Variants in SRRM4 observed in about 807,000 individuals in gnomAD.
The protein encoded by SRRM4 is serine/arginine repetitive matrix protein 4.
A neutral mutation model predicts 68.9 loss-of-function variants in SRRM4; 33 were observed. The observed-to-expected ratio is 0.48, with a 90% CI of 0.36 to 0.64. The LOEUF (loss-of-function observed/expected upper bound fraction) is 0.64. SRRM4 is among the 30% of genes least tolerant of loss of function. The pLI, the probability that SRRM4 is intolerant of heterozygous loss-of-function variation, is 0.00. For missense variants in SRRM4, 817 were observed against 827.1 expected, an observed-to-expected ratio of 0.99 and a Z score of 0.15; for synonymous variants, 318 against 318.8, an observed-to-expected ratio of 1.00 and a Z score of 0.03.
Position 119,125,496 on chromosome 12 carries a change from G to A in SRRM4, c.614+17G>A. 2.5e-6 allele frequency: 4 copies of A among 1,608,658 alleles called. No individual in the cohort carries two copies. Among genetic ancestry groups the A allele is most frequent in the Non-Finnish European group, 3.4e-6 (4 of 1,175,992 alleles). On this transcript the variant is annotated intron_variant, in intron 7 of 12. Coordinates refer to ENST00000267260, the MANE Select transcript of SRRM4 (RefSeq NM_194286.4). Reference sequence around the variant, plus strand: ...TGAGAGCAGGTAACCCCTTGCCCCAGGATCCTCTTCTGTCAGCCACAGCCG... The same window carrying A: ...TGAGAGCAGGTAACCCCTTGCCCCAAGATCCTCTTCTGTCAGCCACAGCCG...
intron 10 of SRRM4, among the ~76,000 whole-genome samples, chr12:119,152,320 A>C (rs750534313): frequency 2.0e-5 from 3 of 152,228 alleles, no homozygotes; most frequent in Non-Finnish European, 4.4e-5. Flanking sequence ...TGACATAAAT[A>C]GAAGAGCAAA....
chr12:119,012,092 T>C (rs966506705), intron 1 of SRRM4, among the ~76,000 whole-genome samples: 8 of 152,248 alleles, frequency 5.3e-5, no homozygotes, highest in African/African-American at 1.9e-4. Context: ...AGTGTCCTGA[T>C]ATAAATCAAT....
intron 1 of SRRM4, among the ~76,000 whole-genome samples, chr12:119,083,035 T>G (rs1953958403): frequency 6.6e-6 from 1 of 152,116 alleles, no homozygotes; most frequent in African/African-American, 2.4e-5. Flanking sequence ...GTCTGGTGTT[T>G]CCTTCAATTC....
chr12:119,081,940 C>T (rs7959061), intron 1 of SRRM4, among the ~76,000 whole-genome samples: 87,044 of 152,094 alleles, frequency 0.57, 25,902 homozygotes, highest in Middle Eastern at 0.76. Context: ...TATACCTTTA[C>T]TTTAATTGGA....
At chr12:119,027,603 T>A (rs869716) in intron 1 of SRRM4, among the ~76,000 whole-genome samples, 47,152 of 152,074 alleles carry the variant, frequency 0.31, 7,576 homozygotes, top group Non-Finnish European at 0.35. Flanking sequence ...AGAGTTTATG[T>A]TATAACTGAG....
chr12:119,146,470 C>T (rs1450333690), intron 9 of SRRM4, among the ~76,000 whole-genome samples: 2 of 151,972 alleles, frequency 1.3e-5, no homozygotes, highest in African/African-American at 4.8e-5. Context: ...CCTGTAATCC[C>T]AGCTACTCGG....
chr12:119,068,038 A>T (rs1431984918), intron 1 of SRRM4, among the ~76,000 whole-genome samples: 2 of 152,222 alleles, frequency 1.3e-5, no homozygotes, highest in Admixed American at 1.3e-4. Flanking sequence ...ATGCAAGTCC[A>T]CTAGGAATGT....
chr12:119,147,101 C>T lies in SRRM4; in HGVS notation c.1076+1416C>T, dbSNP rs1007462868. 2.6e-5 allele frequency among the ~76,000 whole-genome samples: 4 copies of T among 152,244 alleles called. No individual in the cohort carries two copies. In the South Asian group the frequency reaches 6.2e-4, roughly 24 times the overall value. On this transcript the variant is annotated intron_variant, in intron 9 of 12. Transcript: ENST00000267260. Reference sequence around the variant, plus strand: ...GTGAATGAATACATAAATTATGATACGTCCAGACAATGGAATGCTATTCAG... The same window carrying T: ...GTGAATGAATACATAAATTATGATATGTCCAGACAATGGAATGCTATTCAG...
At chr12:119,129,872 AATGGATGGATGGATGG>A (rs112594447) in intron 7 of SRRM4, among the ~76,000 whole-genome samples, 230 of 136,996 alleles carry the variant, frequency 1.7e-3, no homozygotes, top group African/African-American at 3.4e-3. Flanking sequence ...TAGTTGGACA[AATGGATGGATGGATGG>A]ATGGATGGAT....
At position 119,145,570 on chromosome 12, in the gene SRRM4, G is replaced by A. The variant is rs776131805; in HGVS notation, c.961G>A (p.Glu321Lys). ...SPSGGLSKSR[E>K]LNSGNTSDSG... ...CAGTGGGGGCTTGAGCAAGAGCCGG[G>A]AGCTCAACAGTGGCAACACCTCTGA... Residue 321 changes from glutamate to lysine, a missense_variant, in exon 9 of 13, where the codon GAG becomes AAG. Transcript: ENST00000267260. 3 of 1,602,758 alleles carry A rather than the reference G, an allele frequency of 1.9e-6. No homozygotes were observed. The South Asian group carries it at 3.4e-5, about 18-fold the overall frequency.
chr12:119,064,649 A>G (rs775603009), intron 1 of SRRM4, among the ~76,000 whole-genome samples: 11 of 152,224 alleles, frequency 7.2e-5, no homozygotes, highest in South Asian at 2.1e-4. Context: ...TGAGGCTAAG[A>G]AAAACCTTGC....
At chr12:119,083,895 C>T (rs1229952667) in intron 1 of SRRM4, among the ~76,000 whole-genome samples, 1 of 152,166 alleles carries the variant, frequency 6.6e-6, no homozygotes, top group African/African-American at 2.4e-5. Context: ...TGCAGAGACA[C>T]AGGGAGAAGG....
At chr12:118,990,534 C>G (rs1953310223) in intron 1 of SRRM4, among the ~76,000 whole-genome samples, 1 of 152,132 alleles carries the variant, frequency 6.6e-6, no homozygotes, top group African/African-American at 2.4e-5. Context: ...CTAGTATATT[C>G]TTCTCTCCTG....
chr12:119,111,914 C>T lies in SRRM4; in HGVS notation c.279-2364C>T, dbSNP rs148991562. Among the ~76,000 whole-genome samples the T allele has an allele frequency of 2.2e-3, 335 of 152,114 alleles. 3 individuals carry two copies. The highest frequency in any genetic ancestry group is 7.4e-3 in the African/African-American group (308 of 41,492). ...TACAAAAATTAGCCTGGCTTGGTGG[C>T]GGGGGCCTGTAGTCCCAGCTACTAG... On this transcript the variant is annotated intron_variant, in intron 2 of 12. Coordinates refer to ENST00000267260, the MANE Select transcript of SRRM4 (RefSeq NM_194286.4).
At chr12:119,078,183 G>A (rs1783792883) in intron 1 of SRRM4, among the ~76,000 whole-genome samples, 2 of 152,158 alleles carry the variant, frequency 1.3e-5, no homozygotes, top group Non-Finnish European at 2.9e-5. Flanking sequence ...ATAGCATATA[G>A]CCTCAGCTCC....
intron 2 of SRRM4, among the ~76,000 whole-genome samples, chr12:119,105,541 A>G (rs1412774528): frequency 1.3e-5 from 2 of 152,044 alleles, no homozygotes; most frequent in Non-Finnish European, 2.9e-5. Flanking sequence ...ATCTCATTGT[A>G]GTTTTGATTT....
At chr12:119,105,195 A>G (rs564503048) in intron 2 of SRRM4, among the ~76,000 whole-genome samples, 75 of 152,114 alleles carry the variant, frequency 4.9e-4, no homozygotes, top group African/African-American at 1.6e-3. Context: ...TATATGTGCC[A>G]CACTTTCCTA....
chr12:119,035,947 G>A (rs185626019), intron 1 of SRRM4, among the ~76,000 whole-genome samples: 58 of 152,280 alleles, frequency 3.8e-4, no homozygotes, highest in Admixed American at 3.3e-3. Flanking sequence ...TGTTCTAAGA[G>A]GGGCTTAGTC....
chr12:119,009,354 A>C (rs1260596863), intron 1 of SRRM4, among the ~76,000 whole-genome samples: 1 of 152,130 alleles, frequency 6.6e-6, no homozygotes, highest in African/African-American at 2.4e-5. Flanking sequence ...GATGGGGAAG[A>C]GATGGTAGAG....
Sources: allele counts gnomAD v4.1 joint callset (sites outside exome capture counted in the v4.1 genomes callset), GRCh38; gene constraint gnomAD v4.1.1; transcripts MANE v1.5; gene names NCBI Gene and HGNC (gene_info 2026-07-23, HGNC 2026-07-21).